The following SEC13 variants were observed in gnomAD, a reference collection of about 807,000 sequenced individuals.
SEC13 encodes the protein protein SEC13 homolog.
Under a neutral mutation model 49.2 loss-of-function variants are expected in SEC13, and 25 were observed. The observed-to-expected ratio is 0.51, with a 90% confidence interval of 0.37 to 0.71. The LOEUF (loss-of-function observed/expected upper bound fraction) is 0.71, where lower values mean the gene tolerates loss of function less well. SEC13 is among the 30% of genes least tolerant of loss of function. The pLI is 0.00. For synonymous variants in SEC13, 148 were observed against 163.9 expected (o/e 0.90, Z 0.74); for missense variants, 383 against 417.6 (o/e 0.92, Z 0.72).
At chr3:10,309,903 C>T (rs1157236691) in intron 5 of SEC13, among the ~76,000 whole-genome samples, 3 of 152,192 alleles carry the variant, frequency 2.0e-5, no homozygotes, top group African/African-American at 7.2e-5. Flanking sequence ...TCAGGAGTTC[C>T]TGTCTTTGTT....
At chr3:10,311,280 T>A (rs1701237486) in intron 5 of SEC13, among the ~76,000 whole-genome samples, 1 of 152,158 alleles carries the variant, frequency 6.6e-6, no homozygotes, top group East Asian at 1.9e-4. Flanking sequence ...CAGGACAGGC[T>A]CCAACCACCT....
In SEC13 at chr3:10,304,025, C is replaced by T; in HGVS notation, c.855+1G>A. The T allele has an allele frequency of 6.2e-7, 1 of 1,613,972 alleles. No individual in the cohort carries two copies. Among genetic ancestry groups the T allele is most frequent in the Non-Finnish European group, 8.5e-7 (1 of 1,180,012 alleles). Reference sequence around the variant, plus strand: ...CCATGCCACGGGGAATGGGTATGTACCTTATTGTCTCCACCAGAGACAGCC... The same window carrying T: ...CCATGCCACGGGGAATGGGTATGTATCTTATTGTCTCCACCAGAGACAGCC... On this transcript the variant is annotated splice_donor_variant, in intron 8 of 8. Coordinates refer to ENST00000350697, the MANE Select transcript of SEC13 (RefSeq NM_183352.3). LOFTEE classifies it high-confidence loss of function.
chr3:10,320,910 A>G, intron 1 of SEC13, 140 bp downstream of exon 1: 1 of 1,478,420 alleles, frequency 6.8e-7, no homozygotes, highest in South Asian at 1.4e-5. Context: ...GGACGGGGCC[A>G]GAGCCCCCCA....
intron 5 of SEC13, among the ~76,000 whole-genome samples, chr3:10,310,826 T>G (rs1701206150): frequency 6.6e-6 from 1 of 152,184 alleles, no homozygotes; most frequent in Non-Finnish European, 1.5e-5. Context: ...CATCATCTGA[T>G]GAATGGATAA....
chr3:10,311,742 C>T, intron 5 of SEC13: 1 of 1,397,204 alleles, frequency 7.2e-7, no homozygotes, highest in Non-Finnish European at 9.3e-7. Context: ...CAGCCCTCCC[C>T]TGCTTGGGAG....
chr3:10,302,702 C>G (rs918142625), intron 8 of SEC13, among the ~76,000 whole-genome samples: 1 of 152,170 alleles, frequency 6.6e-6, no homozygotes, highest in African/African-American at 2.4e-5. Context: ...GCCAGAAAAG[C>G]CGCCTGCAGA....
At chr3:10,315,636 C>G (rs1410845739) in intron 2 of SEC13, among the ~76,000 whole-genome samples, 200 bp from the exon 3 acceptor site, 2 of 152,214 alleles carry the variant, frequency 1.3e-5, no homozygotes, top group African/African-American at 2.4e-5. Context: ...CTGAAATGGA[C>G]AAAGCAAGCC....
intron 5 of SEC13, among the ~76,000 whole-genome samples, chr3:10,309,282 A>ATCTT (rs200588709): frequency 1.2e-4 from 17 of 137,210 alleles, no homozygotes; most frequent in Non-Finnish European, 2.5e-4. Context: ...CAAGTTTCAA[A>ATCTT]TCTTTGTTTT....
At position 10,317,685 on chromosome 3, in the gene SEC13, G is replaced by A. The variant is rs769091862; in HGVS notation, c.48+365C>T. 1.1e-3 allele frequency among the ~76,000 whole-genome samples: 164 copies of A among 152,004 alleles called. 1 individual carries two copies. The highest frequency in any genetic ancestry group is 1.4e-3 in the Non-Finnish European group (96 of 68,010). On this transcript the variant is annotated intron_variant, in intron 2 of 8. Transcript: ENST00000350697. ...CTTCTTTTCACCCCCCTTTCCAGTG[G>A]GGCTAAGAAGTGACAGCAGGAGGAA...
Position 10,301,008 on chromosome 3 carries a change from A to C in SEC13, c.*253T>G, listed in dbSNP as rs1023840430. ...AATGCCTGAACCCAAAGGTACATAA[A>C]AATGACCCAAAATAGATTTGAACAT... On this transcript the variant is annotated 3_prime_UTR_variant, in exon 9 of 9. Transcript: ENST00000350697. 125 of 1,460,540 alleles carry C rather than the reference A, an allele frequency of 8.6e-5. No individual in the cohort carries two copies. Among genetic ancestry groups the C allele is most frequent in the Non-Finnish European group, 4.1e-5 (44 of 1,062,086 alleles). 90.5% of individuals were successfully genotyped at this position (1,460,540 alleles called of 1,614,324 possible). A position where few individuals can be genotyped will look rare whatever the true frequency, so the allele number is the denominator to read the frequency against.
At chr3:10,320,006 G>GGAGAGAGAGAGAGGGAGGGTGGGGA (rs2059747945) in intron 1 of SEC13, among the ~76,000 whole-genome samples, 1 of 103,112 alleles carries the variant, frequency 9.7e-6, no homozygotes, top group East Asian at 3.1e-4. Context: ...GGGAGGGTGG[G>GGAGAGAGAGAGAGGGAGGGTGGGGA]GAGAGAGAGA....
chr3:10,303,654 C>T (rs961639823), intron 8 of SEC13: 10 of 291,884 alleles, frequency 3.4e-5, no homozygotes, highest in Middle Eastern at 1.2e-3. Context: ...AAAATATCCC[C>T]AATCTTCTTC....
At chr3:10,320,777 G>A (rs1256004949) in intron 1 of SEC13, 5 of 1,321,850 alleles carry the variant, frequency 3.8e-6, no homozygotes, top group African/African-American at 1.5e-5. Context: ...TCCTCGTTTT[G>A]TTTTCAATTG....
chr3:10,306,164 ATAGTT>A (rs1457071492), intron 5 of SEC13, among the ~76,000 whole-genome samples: 2 of 152,124 alleles, frequency 1.3e-5, no homozygotes, highest in African/African-American at 2.4e-5. Context: ...CCTAGATACT[ATAGTT>A]TAGTCTTGTC....
intron 5 of SEC13, among the ~76,000 whole-genome samples, chr3:10,306,704 C>T (rs1331435008): frequency 6.6e-6 from 1 of 152,184 alleles, no homozygotes; most frequent in Non-Finnish European, 1.5e-5. Flanking sequence ...AAGTCTTTCC[C>T]ATGCTGTTCT....
chr3:10,310,146 G>A (rs35668), intron 5 of SEC13, among the ~76,000 whole-genome samples: 93,189 of 151,996 alleles, frequency 0.61, 30,281 homozygotes, highest in African/African-American at 0.82. Context: ...TTTCTCCAAA[G>A]GCCCCCAGAA....
intron 1 of SEC13, among the ~76,000 whole-genome samples, chr3:10,319,477 A>G (rs2059725527): frequency 6.6e-6 from 1 of 152,126 alleles, no homozygotes; most frequent in Non-Finnish European, 1.5e-5. Flanking sequence ...AAGAGAAAGC[A>G]CTTGCCAAAG....
rs570972590 is a variant in SEC13, at chr3:10,308,653, TTGAAGAGTCTGAC to T, written c.451-2974_451-2962del. ...TTTTCTTCTGCACCAATCCTTACTA[TTGAAGAGTCTGAC>T]AATAATCTAATTGTCTTTCCCCTTT... is the stretch of plus-strand genomic sequence containing the variant. On this transcript the variant is annotated intron_variant, in intron 5 of 8. Transcript: ENST00000350697. 1.3e-4 allele frequency among the ~76,000 whole-genome samples: 20 copies of T among 152,132 alleles called. No homozygotes were observed. The South Asian group carries it at 3.5e-3, about 27-fold the overall frequency.
chr3:10,313,900 C>G (rs154238), intron 3 of SEC13: 34,322 of 153,774 alleles, frequency 0.22, 4,138 homozygotes, highest in Middle Eastern at 0.27. Flanking sequence ...ATTTGACACT[C>G]AGACAGAGGG....
Sources: gnomAD v4.1 joint callset for allele counts (sites outside exome capture counted in the v4.1 genomes callset) on GRCh38, gnomAD v4.1.1 for gene constraint, MANE v1.5 for transcripts, NCBI Gene and HGNC (gene_info 2026-07-23, HGNC 2026-07-21) for gene names.